PARD3B: variants seen among roughly 807,000 people sequenced by gnomAD.
The protein encoded by PARD3B is partitioning defective 3 homolog B.
In PARD3B, 103 loss-of-function variants were observed where a neutral mutation model predicts 130.2. The observed-to-expected ratio is 0.79, with a 90% CI of 0.67 to 0.93. PARD3B has a LOEUF of 0.93. Among genes scored for constraint, PARD3B ranks in the 40% least tolerant of loss-of-function variants. The pLI is 0.00. For synonymous variants in PARD3B, 583 were observed against 553.2 expected (o/e 1.05, Z -0.76); for missense variants, 1,609 against 1,499.2 (o/e 1.07, Z -1.21).
intron 3 of PARD3B, among the ~76,000 whole-genome samples, chr2:205,033,609 C>T (rs894843920): frequency 3.3e-5 from 5 of 152,152 alleles, no homozygotes; most frequent in East Asian, 1.9e-4. Context: ...TCAAAAGCCA[C>T]GTGCCCATCT....
chr2:205,511,769 T>G (rs1440301186), intron 21 of PARD3B, among the ~76,000 whole-genome samples: 1 of 152,222 alleles, frequency 6.6e-6, no homozygotes, highest in African/African-American at 2.4e-5. Context: ...TTATAGCACA[T>G]GTATCACTTA....
chr2:205,008,096 G>A (rs1223736921), intron 3 of PARD3B, among the ~76,000 whole-genome samples: 7 of 151,910 alleles, frequency 4.6e-5, no homozygotes, highest in Admixed American at 1.3e-4. Flanking sequence ...AGAAAGAGTG[G>A]TGCCTCTTTA....
chr2:205,075,773 G>T (rs538724270), intron 4 of PARD3B, among the ~76,000 whole-genome samples: 3 of 150,058 alleles, frequency 2.0e-5, no homozygotes, highest in African/African-American at 7.3e-5. Flanking sequence ...CATTTTCCTT[G>T]ATCTCTATGG....
At chr2:205,577,713 AT>A (rs1158276822) in intron 22 of PARD3B, among the ~76,000 whole-genome samples, 1 of 152,148 alleles carries the variant, frequency 6.6e-6, no homozygotes, top group East Asian at 1.9e-4. Context: ...CAGTAGGAAT[AT>A]TTTTTTAAAG....
chr2:204,964,038 G>T (rs1690985124), intron 2 of PARD3B, among the ~76,000 whole-genome samples: 1 of 152,136 alleles, frequency 6.6e-6, no homozygotes, highest in Non-Finnish European at 1.5e-5. Flanking sequence ...TAATAATATT[G>T]CCAACAGGGT....
Position 205,380,322 on chromosome 2 carries a change from TATATATAATATATAAAGAATATATA to T in PARD3B, c.2631-20665_2631-20641del, listed in dbSNP as rs1459833248. ...TATATATTATATAAAGAATATATAT[TATATATAATATATAAAGAATATATA>T]ATATATAATATATAAAGAATATATA... On this transcript the variant is annotated intron_variant, in intron 18 of 22. Transcript: ENST00000406610. Among the ~76,000 whole-genome samples, 91 of 17,790 alleles carry T rather than the reference TATATATAATATATAAAGAATATATA, an allele frequency of 5.1e-3. 10 individuals are homozygous for T. Among genetic ancestry groups the T allele is most frequent in the African/African-American group, 0.015 (78 of 5,170 alleles). 11.7% of individuals were successfully genotyped at this position (17,790 alleles called of 152,430 possible). A position where few individuals can be genotyped will look rare whatever the true frequency, so the allele number is the denominator to read the frequency against.
chr2:205,049,606 C>T (rs1486758096), intron 4 of PARD3B, among the ~76,000 whole-genome samples: 1 of 152,162 alleles, frequency 6.6e-6, no homozygotes, highest in Admixed American at 6.6e-5. Flanking sequence ...ATTAAGATGA[C>T]ATCAATGTTA....
rs193102685 is a variant in PARD3B, at chr2:205,573,281, G to C, written c.3260+19878G>C. On this transcript the variant is annotated intron_variant, in intron 22 of 22. Transcript: ENST00000406610. ...GCCTGTGAAGGAGCTGAGCTGACCTGTTTGATGCCTGATTAGATGTGGGCA... is the reference window on the plus strand; with the variant it reads ...GCCTGTGAAGGAGCTGAGCTGACCTCTTTGATGCCTGATTAGATGTGGGCA... Among the ~76,000 whole-genome samples, 12 of 152,282 alleles carry C rather than the reference G, an allele frequency of 7.9e-5. No individual in the cohort carries two copies. In the East Asian group the frequency reaches 2.1e-3, roughly 27 times the overall value.
chr2:205,192,265 T>C (rs2036438015), intron 14 of PARD3B, among the ~76,000 whole-genome samples: 1 of 152,192 alleles, frequency 6.6e-6, no homozygotes, highest in African/African-American at 2.4e-5. Flanking sequence ...TTGTTTATAG[T>C]ATCAAACTCC....
chr2:204,905,161 A>C (rs1219503698), intron 2 of PARD3B, among the ~76,000 whole-genome samples: 1 of 152,242 alleles, frequency 6.6e-6, no homozygotes, highest in Admixed American at 6.5e-5. Context: ...AATATATAGC[A>C]GTACTTAAGT....
chr2:205,481,491 G>A lies in PARD3B; in HGVS notation c.3045-18405G>A, dbSNP rs529103544. Among the ~76,000 whole-genome samples the A allele has an allele frequency of 3.5e-4, 54 of 152,256 alleles. 1 individual carries two copies. The South Asian group carries it at 0.01, about 29-fold the overall frequency. ...ACTAGCTGCCATGCTGCTATGAACC[G>A]GGCTCGTGGAAGAAGGAATGCAGGG... On this transcript the variant is annotated intron_variant, in intron 20 of 22. Coordinates refer to ENST00000406610, the MANE Select transcript of PARD3B (RefSeq NM_001302769.2).
chr2:204,883,436 T>TATATATATAATATATATATATATAAA (rs1559226424), intron 2 of PARD3B, among the ~76,000 whole-genome samples: 5 of 101,340 alleles, frequency 4.9e-5, no homozygotes, highest in East Asian at 2.6e-4. Context: ...ATATATAAAA[T>TATATATATAATATATATATATATAAA]ATATATATAT....
In PARD3B at chr2:205,166,577, G is replaced by A. The variant is rs146213818; in HGVS notation, c.1621-5634G>A. ...CTTGATTCATTCTTGCCCTTCCATTGCAATTGTTTTTAAATGAAGGTAAAT... is the reference window on the plus strand; with the variant it reads ...CTTGATTCATTCTTGCCCTTCCATTACAATTGTTTTTAAATGAAGGTAAAT... On this transcript the variant is annotated intron_variant, in intron 11 of 22. Coordinates refer to ENST00000406610, the MANE Select transcript of PARD3B (RefSeq NM_001302769.2). Among the ~76,000 whole-genome samples, 618 of 152,210 alleles carry A rather than the reference G, an allele frequency of 4.1e-3. 4 individuals are homozygous for A. The highest frequency in any genetic ancestry group is 0.037 in the Middle Eastern group (11 of 294).
chr2:205,511,666 C>G (rs2050593054), intron 21 of PARD3B, among the ~76,000 whole-genome samples: 1 of 152,178 alleles, frequency 6.6e-6, no homozygotes, highest in Admixed American at 6.5e-5. Flanking sequence ...TTTATTTTAG[C>G]AGTGCTTAAA....
intron 18 of PARD3B, among the ~76,000 whole-genome samples, chr2:205,372,904 A>T (rs1408391227): frequency 6.6e-6 from 1 of 152,164 alleles, no homozygotes; most frequent in Non-Finnish European, 1.5e-5. Flanking sequence ...ACTTGAATCT[A>T]GGAGGTCAAG....
Position 205,608,102 on chromosome 2 carries a change from G to A in PARD3B, c.3261-7354G>A, listed in dbSNP as rs1405828769. On this transcript the variant is annotated intron_variant, in intron 22 of 22. Transcript: ENST00000406610. The stretch of plus-strand genomic sequence containing the variant: ...GCATGTGCTACTCTAACATATATAT[G>A]TAATCTAAAATAGTTAGGGAAAAGC... Among the ~76,000 whole-genome samples the A allele has an allele frequency of 6.6e-5, 10 of 152,220 alleles. No homozygotes were observed. The East Asian group carries it at 1.7e-3, about 26-fold the overall frequency.
At chr2:205,363,746 C>T (rs914161773) in intron 18 of PARD3B, among the ~76,000 whole-genome samples, 9 of 151,886 alleles carry the variant, frequency 5.9e-5, no homozygotes, top group African/African-American at 1.7e-4. Context: ...CTCACTGCAA[C>T]CTCCGCCTCC....
At chr2:205,409,767 C>A (rs745877280) in intron 19 of PARD3B, among the ~76,000 whole-genome samples, 4 of 152,078 alleles carry the variant, frequency 2.6e-5, no homozygotes, top group Non-Finnish European at 4.4e-5. Context: ...AATTCATGTA[C>A]CCTGGAGTGA....
At chr2:205,571,659 TAA>T (rs1014304308) in intron 22 of PARD3B, among the ~76,000 whole-genome samples, 3 of 152,188 alleles carry the variant, frequency 2.0e-5, no homozygotes, top group African/African-American at 7.2e-5. Context: ...ACCTTACTAA[TAA>T]AAGTCACTTG....
Sources: allele counts gnomAD v4.1 joint callset (sites outside exome capture counted in the v4.1 genomes callset), GRCh38; gene constraint gnomAD v4.1.1; transcripts MANE v1.5; gene names NCBI Gene and HGNC (gene_info 2026-07-23, HGNC 2026-07-21).